CC2D2A: variants seen among roughly 807,000 people sequenced by gnomAD.
CC2D2A encodes the protein coiled-coil and C2 domain containing 2A.
A neutral mutation model predicts 212.9 loss-of-function variants in CC2D2A; 155 were observed. That is an observed-to-expected ratio of 0.73 (90% CI 0.64 to 0.83). The LOEUF (loss-of-function observed/expected upper bound fraction) is 0.83. CC2D2A is among the 40% of genes least tolerant of loss of function. CC2D2A has a pLI of 0.00. For missense variants in CC2D2A, 1,856 were observed against 1,956.2 expected (o/e 0.95, Z 0.97); for synonymous variants, 667 against 686.5 (o/e 0.97, Z 0.44).
chr4:15,507,697 G>A (rs1716342045), intron 6 of CC2D2A, among the ~76,000 whole-genome samples: 1 of 152,224 alleles, frequency 6.6e-6, no homozygotes, highest in East Asian at 1.9e-4. Context: ...AAAGAGAGAT[G>A]GAGAAGTGTG....
At chr4:15,560,153 A>G (rs970472045) in intron 22 of CC2D2A, among the ~76,000 whole-genome samples, 3 of 152,178 alleles carry the variant, frequency 2.0e-5, no homozygotes, top group Non-Finnish European at 2.9e-5. Context: ...GGAATTAGGA[A>G]GTGAATCATT....
intron 8 of CC2D2A, chr4:15,511,630 G>C: frequency 2.7e-6 from 1 of 377,336 alleles, no homozygotes; most frequent in South Asian, 9.8e-5. Flanking sequence ...GAAGAACCTT[G>C]ATTAAACCTG....
At chr4:15,570,644 C>T in intron 28 of CC2D2A, 148 bp downstream of exon 28, 1 of 529,524 alleles carries the variant, frequency 1.9e-6, no homozygotes, top group Non-Finnish European at 3.5e-6. Context: ...CATCTGAGGT[C>T]AGGAGTTGGA....
At chr4:15,523,970 C>T (rs1717352456) in intron 11 of CC2D2A, among the ~76,000 whole-genome samples, 1 of 152,252 alleles carries the variant, frequency 6.6e-6, no homozygotes, top group African/African-American at 2.4e-5. Flanking sequence ...GGCATGTTTC[C>T]AGAAGACGGG....
chr4:15,479,138 G>C (rs925944595), intron 3 of CC2D2A: 6 of 923,478 alleles, frequency 6.5e-6, no homozygotes, highest in Non-Finnish European at 5.1e-6. Flanking sequence ...GACTATGATG[G>C]GCAGTAGATG....
intron 29 of CC2D2A, among the ~76,000 whole-genome samples, chr4:15,579,261 T>G (rs1451758787): frequency 6.6e-6 from 1 of 151,966 alleles, no homozygotes; most frequent in Non-Finnish European, 1.5e-5. Flanking sequence ...CCCAGGAGTT[T>G]GAGGGTACAG....
At chr4:15,571,287 G>A (rs1439225483) in intron 28 of CC2D2A, among the ~76,000 whole-genome samples, 8 of 152,164 alleles carry the variant, frequency 5.3e-5, no homozygotes, top group Non-Finnish European at 8.8e-5. Context: ...GCAGAGACAC[G>A]CTTAACAAAG....
chr4:15,593,045 G>C (rs181605271), intron 33 of CC2D2A, among the ~76,000 whole-genome samples: 10 of 152,132 alleles, frequency 6.6e-5, no homozygotes, highest in Admixed American at 4.6e-4. Context: ...TTATTGTTTT[G>C]CCCTACATTT....
intron 4 of CC2D2A, among the ~76,000 whole-genome samples, chr4:15,496,159 T>C (rs1484956606): frequency 1.3e-5 from 2 of 152,154 alleles, no homozygotes; most frequent in Non-Finnish European, 2.9e-5. Flanking sequence ...AGTTTGCAAA[T>C]ATTTTCTCCC....
intron 14 of CC2D2A, among the ~76,000 whole-genome samples, chr4:15,536,279 C>T (rs987181087): frequency 4.6e-5 from 4 of 86,822 alleles, no homozygotes; most frequent in Admixed American, 1.8e-4. Flanking sequence ...GGACACAGGG[C>T]GGGGAACATC....
chr4:15,591,270 A>AG (rs1721094843), intron 33 of CC2D2A, among the ~76,000 whole-genome samples: 1 of 137,582 alleles, frequency 7.3e-6, no homozygotes, highest in African/African-American at 2.8e-5. Context: ...CCCAGGCTGG[A>AG]GTGCAACGGA....
At chr4:15,512,374 G>A (rs535598383) in intron 8 of CC2D2A, among the ~76,000 whole-genome samples, 2 of 152,276 alleles carry the variant, frequency 1.3e-5, no homozygotes, top group African/African-American at 4.8e-5. Flanking sequence ...TACAACCGCA[G>A]AAAGCATGGA....
At chr4:15,571,312 A>G (rs1012426002) in intron 28 of CC2D2A, among the ~76,000 whole-genome samples, 2 of 152,204 alleles carry the variant, frequency 1.3e-5, no homozygotes, top group Non-Finnish European at 2.9e-5. Flanking sequence ...CCTTCTTCAG[A>G]GTTAATGGTT....
At chr4:15,545,620 T>C (rs1044416815) in intron 17 of CC2D2A, among the ~76,000 whole-genome samples, 5 of 152,098 alleles carry the variant, frequency 3.3e-5, no homozygotes, top group African/African-American at 1.2e-4. Context: ...GAGATAAGAA[T>C]GCCAAGGCAG....
intron 4 of CC2D2A, among the ~76,000 whole-genome samples, chr4:15,492,577 C>T (rs953265382): frequency 6.6e-6 from 1 of 151,684 alleles, no homozygotes; most frequent in Non-Finnish European, 1.5e-5. Flanking sequence ...TCCCTAGGCT[C>T]CTCCCTCTTC....
At chr4:15,539,031 T>G (rs1420514707) in intron 16 of CC2D2A, among the ~76,000 whole-genome samples, 1 of 152,076 alleles carries the variant, frequency 6.6e-6, no homozygotes, top group African/African-American at 2.4e-5. Context: ...AGACCTCACC[T>G]CTATTGAATA....
chr4:15,573,571 G>A lies in CC2D2A; in HGVS notation c.3595-579G>A, dbSNP rs150496308. On this transcript the variant is annotated intron_variant, in intron 28 of 36. Coordinates refer to ENST00000424120, the MANE Select transcript of CC2D2A (RefSeq NM_001378615.1). ...CTCCCAAAGTGCTGGGATATCTGGC[G>A]TGAGCCACTGTGCCTGGCCTGCCAT... Among the ~76,000 whole-genome samples, 1,489 of 152,330 alleles carry A rather than the reference G, an allele frequency of 9.8e-3. 26 individuals are homozygous for A. Among genetic ancestry groups the A allele is most frequent in the African/African-American group, 0.034 (1,413 of 41,566 alleles).
chr4:15,500,107 G>GTGTGTGTATATATATA (rs1479141284), intron 4 of CC2D2A, among the ~76,000 whole-genome samples: 101 of 112,938 alleles, frequency 8.9e-4, no homozygotes, highest in Admixed American at 1.4e-3. Flanking sequence ...GTGTGTGTGT[G>GTGTGTGTATATATATA]TATATATATA....
intron 4 of CC2D2A, among the ~76,000 whole-genome samples, chr4:15,495,540 A>G (rs1692194271): frequency 6.6e-6 from 1 of 152,124 alleles, no homozygotes; most frequent in Admixed American, 6.6e-5. Flanking sequence ...AGCTCCATCT[A>G]TGTTGCTGCA....
Sources: gnomAD v4.1 joint callset for allele counts (sites outside exome capture counted in the v4.1 genomes callset) on GRCh38, gnomAD v4.1.1 for gene constraint, MANE v1.5 for transcripts, NCBI Gene and HGNC (gene_info 2026-07-23, HGNC 2026-07-21) for gene names.